Variants in CTNND2 observed in about 807,000 individuals in gnomAD.
CTNND2 encodes catenin delta 2.
A neutral mutation model predicts 144.4 loss-of-function variants in CTNND2; 22 were observed. The ratio of observed to expected loss-of-function variants is 0.15; its 90% confidence interval spans 0.11 to 0.22. The LOEUF (loss-of-function observed/expected upper bound fraction) is 0.22, where lower values mean the gene tolerates loss of function less well. Among genes scored for constraint, CTNND2 ranks in the 10% least tolerant of loss-of-function variants. CTNND2 has a pLI of 1.00. For synonymous variants in CTNND2, 751 were observed against 695.6 expected (o/e 1.08, Z -1.25); for missense variants, 1,353 against 1,618.8 (o/e 0.84, Z 2.82).
chr5:11,165,922 G>GTT, intron 11 of CTNND2, among the ~76,000 whole-genome samples: 1 of 152,278 alleles, frequency 6.6e-6, no homozygotes, highest in East Asian at 1.9e-4. Flanking sequence ...ATAAAAGCAA[G>GTT]TTTTAAATGA....
intron 9 of CTNND2, among the ~76,000 whole-genome samples, chr5:11,275,528 A>G (rs778842449): frequency 1.4e-4 from 22 of 152,222 alleles, no homozygotes; most frequent in Non-Finnish European, 2.6e-4. Flanking sequence ...CTCTTCCACA[A>G]TAAGAGGGGT....
rs11322159 is a variant in CTNND2 at position 11,244,280 on chromosome 5, A to ATTTT, written c.1629-7461_1629-7458dup. Among the ~76,000 whole-genome samples the ATTTT allele has an allele frequency of 1.4e-3, 144 of 104,082 alleles. 5 individuals carry two copies. Among genetic ancestry groups the ATTTT allele is most frequent in the African/African-American group, 5.1e-3 (127 of 24,950 alleles). The allele number at this position is 104,082 out of a possible 152,430, so 68.3% of individuals were successfully genotyped here. A position where few individuals can be genotyped will look rare whatever the true frequency, so the allele number is the denominator to read the frequency against. ...TAAAAACAAAAAGCTGTCCTATACA[A>ATTTT]TTTTTTTTTTTTTTTTTTTTTTTTG... On this transcript the variant is annotated intron_variant, in intron 9 of 21. Coordinates refer to ENST00000304623, the MANE Select transcript of CTNND2 (RefSeq NM_001332.4).
intron 1 of CTNND2, among the ~76,000 whole-genome samples, chr5:11,840,168 T>C (rs1411629115): frequency 6.6e-6 from 1 of 151,990 alleles, no homozygotes; most frequent in African/African-American, 2.4e-5. Flanking sequence ...CCTATAAACA[T>C]AGAAAAACCC....
At chr5:11,356,987 C>T (rs1561270794) in intron 8 of CTNND2, among the ~76,000 whole-genome samples, 1 of 151,992 alleles carries the variant, frequency 6.6e-6, no homozygotes, top group Non-Finnish European at 1.5e-5. Context: ...GAGATACTAC[C>T]TCACTCCAGT....
At chr5:11,406,152 G>T (rs940943307) in intron 5 of CTNND2, among the ~76,000 whole-genome samples, 1 of 152,226 alleles carries the variant, frequency 6.6e-6, no homozygotes, top group African/African-American at 2.4e-5. Context: ...CATCTCATAA[G>T]TAAGTAAATA....
At chr5:11,157,524 G>A (rs1387132421) in intron 12 of CTNND2, among the ~76,000 whole-genome samples, 12 of 152,180 alleles carry the variant, frequency 7.9e-5, no homozygotes, top group Non-Finnish European at 4.4e-5. Context: ...GGCAGAGTCT[G>A]CCCTCTCTCA....
intron 8 of CTNND2, among the ~76,000 whole-genome samples, chr5:11,354,233 ATCT>A (rs1452645221): frequency 1.3e-5 from 2 of 152,344 alleles, no homozygotes; most frequent in South Asian, 2.1e-4. Context: ...TGTGGAAAAA[ATCT>A]TCTCTGCCAT....
intron 12 of CTNND2, among the ~76,000 whole-genome samples, chr5:11,137,591 A>C (rs1561367207): frequency 6.6e-6 from 1 of 152,228 alleles, no homozygotes; most frequent in Non-Finnish European, 1.5e-5. Flanking sequence ...AACTAGCAGC[A>C]GGTCTAACTT....
At chr5:11,876,673 T>C (rs923003077) in intron 1 of CTNND2, among the ~76,000 whole-genome samples, 6 of 152,212 alleles carry the variant, frequency 3.9e-5, no homozygotes, top group African/African-American at 7.2e-5. Context: ...CATTATTAAA[T>C]GCTCTTAAAA....
chr5:11,027,579 T>C (rs1223434826), intron 16 of CTNND2, among the ~76,000 whole-genome samples: 1 of 152,184 alleles, frequency 6.6e-6, no homozygotes, highest in Non-Finnish European at 1.5e-5. Flanking sequence ...AACTGAAACC[T>C]TGTAACTTTG....
intron 1 of CTNND2, among the ~76,000 whole-genome samples, chr5:11,839,257 C>T (rs773820326): frequency 2.0e-5 from 3 of 151,868 alleles, no homozygotes; most frequent in African/African-American, 2.4e-5. Context: ...CATATTCCAT[C>T]GAATAGCCAA....
intron 1 of CTNND2, among the ~76,000 whole-genome samples, chr5:11,843,508 G>T (rs1794585010): frequency 1.3e-5 from 2 of 152,086 alleles, no homozygotes; most frequent in Admixed American, 6.5e-5. Flanking sequence ...CAGTATCACA[G>T]GAGGAAAAAA....
chr5:11,832,450 C>T (rs533123556), intron 1 of CTNND2, among the ~76,000 whole-genome samples: 4 of 152,016 alleles, frequency 2.6e-5, no homozygotes, highest in African/African-American at 9.7e-5. Context: ...CAAATAAAAA[C>T]CCTTACTACT....
intron 16 of CTNND2, among the ~76,000 whole-genome samples, chr5:11,024,630 A>G (rs150588402): frequency 6.6e-6 from 1 of 152,204 alleles, no homozygotes; most frequent in African/African-American, 2.4e-5. Flanking sequence ...GTCATTGTAT[A>G]TACGGGGACA....
chr5:11,776,717 C>T (rs940075398), intron 1 of CTNND2, among the ~76,000 whole-genome samples: 3 of 152,096 alleles, frequency 2.0e-5, no homozygotes, highest in East Asian at 1.9e-4. Context: ...GATGCTTTAT[C>T]GCAGGTATAC....
intron 18 of CTNND2, among the ~76,000 whole-genome samples, chr5:10,999,627 AAGCT>A (rs1739714309): frequency 6.6e-6 from 1 of 152,228 alleles, no homozygotes; most frequent in Non-Finnish European, 1.5e-5. Context: ...AGACGCAGCT[AAGCT>A]GTCAAAAATG....
chr5:11,574,952 TTCTC>T (rs1777861631), intron 2 of CTNND2, among the ~76,000 whole-genome samples: 1 of 152,226 alleles, frequency 6.6e-6, no homozygotes, highest in Admixed American at 6.5e-5. Context: ...CCATTTCCTC[TTCTC>T]TATCCTTTCC....
intron 3 of CTNND2, among the ~76,000 whole-genome samples, chr5:11,444,902 G>A (rs564909338): frequency 1.3e-5 from 2 of 152,252 alleles, no homozygotes; most frequent in African/African-American, 2.4e-5. Flanking sequence ...GATCAGGGCA[G>A]CGTAGCCATG....
At chr5:11,694,344 AG>A (rs1785045128) in intron 2 of CTNND2, among the ~76,000 whole-genome samples, 1 of 151,846 alleles carries the variant, frequency 6.6e-6, no homozygotes. Context: ...CTGAGGCAGG[AG>A]AATGGCGTGA....
Sources: allele counts gnomAD v4.1 joint callset (sites outside exome capture counted in the v4.1 genomes callset), GRCh38; gene constraint gnomAD v4.1.1; transcripts MANE v1.5; gene names NCBI Gene and HGNC (gene_info 2026-07-23, HGNC 2026-07-21).